SIAH3: variants seen among roughly 807,000 people sequenced by gnomAD.
The protein encoded by SIAH3 is siah E3 ubiquitin protein ligase family member 3.
Under a neutral mutation model 12.6 loss-of-function variants are expected in SIAH3, and 9 were observed. The ratio of observed to expected loss-of-function variants is 0.72; its 90% CI spans 0.43 to 1.25. The LOEUF is 1.25. Among genes scored for constraint, SIAH3 ranks in the 50% most tolerant of loss-of-function variants. The pLI, the probability that SIAH3 is intolerant of heterozygous loss-of-function variation, is 0.00. For synonymous variants in SIAH3, 154 were observed against 151.1 expected (o/e 1.02, Z -0.14); for missense variants, 390 against 365.4 (o/e 1.07, Z -0.55).
chr13:45,801,103 G>GGA (rs1555257369), intron 1 of SIAH3, among the ~76,000 whole-genome samples: 1 of 149,808 alleles, frequency 6.7e-6, no homozygotes, highest in Non-Finnish European at 1.5e-5. Context: ...GGCGGGGGGG[G>GGA]GCATGGCTGT....
At chr13:45,813,592 T>A (rs1950623689) in intron 1 of SIAH3, among the ~76,000 whole-genome samples, 5 of 152,240 alleles carry the variant, frequency 3.3e-5, no homozygotes, top group African/African-American at 1.2e-4. Flanking sequence ...GTAATTGCAG[T>A]TTCTGCCATT....
intron 1 of SIAH3, among the ~76,000 whole-genome samples, chr13:45,793,317 T>G (rs551703433): frequency 4.4e-4 from 67 of 152,332 alleles, no homozygotes; most frequent in African/African-American, 1.5e-3. Flanking sequence ...CCAGGCCACA[T>G]GCCATCCTTG....
rs1237330532 is a variant in SIAH3 at position 45,790,792 on chromosome 13, C to T, written c.136-6735G>A. Among the ~76,000 whole-genome samples, 6 of 152,350 alleles carry T rather than the reference C, an allele frequency of 3.9e-5. No homozygotes were observed. In the East Asian group the frequency reaches 1.2e-3, roughly 29 times the overall value. ...TCTGAGACAATCAGCTGCCGTAAGA[C>T]AGGAATGCTGCCTCCCTACCTGACT... On this transcript the variant is annotated intron_variant, in intron 1 of 1. Coordinates refer to ENST00000400405, the MANE Select transcript of SIAH3 (RefSeq NM_198849.3).
rs542186679 is a variant in SIAH3 at position 45,778,407 on chromosome 13, A to G, written c.*4976T>C. On this transcript the variant is annotated 3_prime_UTR_variant, in exon 2 of 2. Coordinates refer to ENST00000400405, the MANE Select transcript of SIAH3 (RefSeq NM_198849.3). ...CCCAATTTTTCCATGAAAGCCACCA[A>G]ATAGAACTTTCCACACTAACAGCAA... is the stretch of plus-strand genomic sequence containing the variant. 13 of 152,342 alleles carry G rather than the reference A, an allele frequency of 8.5e-5. No individual in the cohort carries two copies. The highest frequency in any genetic ancestry group is 3.1e-4 in the African/African-American group (13 of 41,574). The allele number at this position is 152,342 out of a possible 1,614,324, so 9.4% of individuals were successfully genotyped here. A position where few individuals can be genotyped will look rare whatever the true frequency, so the allele number is the denominator to read the frequency against.
intron 1 of SIAH3, among the ~76,000 whole-genome samples, chr13:45,817,288 C>A (rs1950638021): frequency 1.3e-5 from 2 of 152,182 alleles, no homozygotes; most frequent in African/African-American, 4.8e-5. Context: ...TCAATATAGT[C>A]ACATGCTGTG....
rs992751458 is a variant in SIAH3 at position 45,803,089 on chromosome 13, G to A, written c.136-19032C>T. ...TCTGTCAAAAAAAAAAAAGGCAGCC[G>A]CAGACTAGAAAGCCTGTTTGGCAGG... On this transcript the variant is annotated intron_variant, in intron 1 of 1. Transcript: ENST00000400405. Among the ~76,000 whole-genome samples the A allele has an allele frequency of 3.3e-5, 5 of 151,336 alleles. No individual in the cohort carries two copies. In the South Asian group the frequency reaches 1.0e-3, roughly 31 times the overall value.
At chr13:45,825,180 G>A (rs559527680) in intron 1 of SIAH3, among the ~76,000 whole-genome samples, 6 of 152,224 alleles carry the variant, frequency 3.9e-5, no homozygotes, top group African/African-American at 9.6e-5. Flanking sequence ...TAGGCATCTC[G>A]CATTAATAGG....
In SIAH3 at chr13:45,783,766, A is replaced by G. The variant is rs750248934; in HGVS notation, c.427T>C (p.Phe143Leu). The G allele has an allele frequency of 1.2e-6, 2 of 1,614,076 alleles. No individual in the cohort carries two copies. Among genetic ancestry groups the G allele is most frequent in the East Asian group, 2.2e-5 (1 of 44,894 alleles). The change falls in exon 2 of 2, where the codon TTC becomes CTC. Residue 143 changes from phenylalanine to leucine, a missense_variant. Physicochemically the swap from Phe to Leu is conservative, Grantham distance 22. Transcript: ENST00000400405. ...VDILQGAEIV[F>L]LATDMHLPAP... ...GGGAGGTGCATGTCCGTGGCCAGGA[A>G]GACGATCTCGGCTCCCTGGAGGATG...
rs555352232 is a variant in SIAH3, at chr13:45,815,320, A to C, written c.136-31263T>G. ...CAGATGGCCCTCCATAATGTGGGCC[A>C]GCCTCATCCAAGCAGTTGAAGGCTA... On this transcript the variant is annotated intron_variant, in intron 1 of 1. Transcript: ENST00000400405. 8.6e-5 allele frequency among the ~76,000 whole-genome samples: 13 copies of C among 152,004 alleles called. No individual in the cohort carries two copies. The South Asian group carries it at 2.7e-3, about 32-fold the overall frequency.
rs553259013 is a variant in SIAH3 at position 45,833,508 on chromosome 13, C to T, written c.135+17987G>A. On this transcript the variant is annotated intron_variant, in intron 1 of 1. Coordinates refer to ENST00000400405, the MANE Select transcript of SIAH3 (RefSeq NM_198849.3). The stretch of plus-strand genomic sequence containing the variant: ...ACACACACACGCACACACACACACA[C>T]GGCAGTCCTTTTTAGAACAAGGCAG... Among the ~76,000 whole-genome samples the T allele has an allele frequency of 3.3e-5, 5 of 151,982 alleles. No individual in the cohort carries two copies. In the South Asian group the frequency reaches 8.3e-4, roughly 25 times the overall value.
In SIAH3 at chr13:45,826,444, GATGGATGGATGGATGAA is replaced by G. The variant is rs1566094913; in HGVS notation, c.135+25034_135+25050del. On this transcript the variant is annotated intron_variant, in intron 1 of 1. Transcript: ENST00000400405. ...GGATGGATGGATGAATGGATGCATG[GATGGATGGATGGATGAA>G]TGGATGGATGGATGGATGGATGGAT... 7.2e-5 allele frequency among the ~76,000 whole-genome samples: 9 copies of G among 124,466 alleles called. 2 individuals are homozygous for G. Among genetic ancestry groups the G allele is most frequent in the African/African-American group, 1.2e-4 (4 of 32,600 alleles). The allele number at this position is 124,466 out of a possible 152,430, so 81.7% of individuals were successfully genotyped here. A position where few individuals can be genotyped will look rare whatever the true frequency, so the allele number is the denominator to read the frequency against.
chr13:45,850,919 CCACA>C (rs34118981), intron 1 of SIAH3, among the ~76,000 whole-genome samples: 29,739 of 127,900 alleles, frequency 0.23, 3,657 homozygotes, highest in Middle Eastern at 0.31. Flanking sequence ...CCTCCCGACA[CCACA>C]CACACACACA....
chr13:45,831,104 G>A lies in SIAH3; in HGVS notation c.135+20391C>T, dbSNP rs1389616609. On this transcript the variant is annotated intron_variant, in intron 1 of 1. Transcript: ENST00000400405. ...TGAGGCAAGAGAATAGCTTGAACCC[G>A]GGAGGTGGGGGTTGCAGTGAGCCGA... is the stretch of plus-strand genomic sequence containing the variant. 5.3e-5 allele frequency among the ~76,000 whole-genome samples: 8 copies of A among 152,014 alleles called. No individual in the cohort carries two copies. The East Asian group carries it at 1.2e-3, about 22-fold the overall frequency.
At chr13:45,830,460 G>T (rs554317587) in intron 1 of SIAH3, among the ~76,000 whole-genome samples, 54 of 152,388 alleles carry the variant, frequency 3.5e-4, no homozygotes, top group Non-Finnish European at 3.7e-4. Flanking sequence ...AAGGCGTGGG[G>T]TAGGGGCACA....
intron 1 of SIAH3, among the ~76,000 whole-genome samples, chr13:45,831,163 A>G (rs1207898589): frequency 6.6e-6 from 1 of 151,684 alleles, no homozygotes; most frequent in African/African-American, 2.4e-5. Flanking sequence ...TGGGTGACAG[A>G]GTGAGACTGT....
rs192765748 is a variant in SIAH3, at chr13:45,833,474, C to A, written c.135+18021G>T. Reference sequence around the variant, plus strand: ...ATAGCTTTGCAAGAAATTACACACACACATGCACACACACACACGCACACA... The same window carrying A: ...ATAGCTTTGCAAGAAATTACACACAAACATGCACACACACACACGCACACA... On this transcript the variant is annotated intron_variant, in intron 1 of 1. Coordinates refer to ENST00000400405, the MANE Select transcript of SIAH3 (RefSeq NM_198849.3). Among the ~76,000 whole-genome samples, 95 of 147,086 alleles carry A rather than the reference C, an allele frequency of 6.5e-4. 2 individuals are homozygous for A. Among genetic ancestry groups the A allele is most frequent in the Admixed American group, 8.8e-4 (13 of 14,692 alleles).
At position 45,786,359 on chromosome 13, in the gene SIAH3, A is replaced by G. The variant is rs551230391; in HGVS notation, c.136-2302T>C. Among the ~76,000 whole-genome samples, 4 of 152,314 alleles carry G rather than the reference A, an allele frequency of 2.6e-5. No homozygotes were observed. In the East Asian group the frequency reaches 7.7e-4, roughly 29 times the overall value. ...TCTTTACAACAATCAGGAGAGAAAC[A>G]TTTTATGTTTGTCTTATAAATGAAG... On this transcript the variant is annotated intron_variant, in intron 1 of 1. Coordinates refer to ENST00000400405, the MANE Select transcript of SIAH3 (RefSeq NM_198849.3).
chr13:45,823,859 T>C lies in SIAH3; in HGVS notation c.135+27636A>G, dbSNP rs532043828. Among the ~76,000 whole-genome samples, 8 of 152,336 alleles carry C rather than the reference T, an allele frequency of 5.3e-5. No individual in the cohort carries two copies. In the East Asian group the frequency reaches 1.5e-3, roughly 29 times the overall value. On this transcript the variant is annotated intron_variant, in intron 1 of 1. Transcript: ENST00000400405. ...ATCTGGGCTGTGACCTGGTGTGACC[T>C]TGGGCAAATTACTTACTGGCTCTGA...
At chr13:45,791,363 T>A (rs1950545119) in intron 1 of SIAH3, among the ~76,000 whole-genome samples, 1 of 152,206 alleles carries the variant, frequency 6.6e-6, no homozygotes, top group African/African-American at 2.4e-5. Context: ...TTACTTTTAA[T>A]ATATGCTGCT....
Sources: gnomAD v4.1 joint callset for allele counts (sites outside exome capture counted in the v4.1 genomes callset) on GRCh38, gnomAD v4.1.1 for gene constraint, MANE v1.5 for transcripts, NCBI Gene and HGNC (gene_info 2026-07-23, HGNC 2026-07-21) for gene names.